GNA13: variants seen among roughly 807,000 people sequenced by gnomAD.
GNA13 encodes the protein G protein subunit alpha 13.
A neutral mutation model predicts 33.5 loss-of-function variants in GNA13; 4 were observed. The ratio of observed to expected loss-of-function variants is 0.12; its 90% CI spans 0.06 to 0.27. GNA13 has a LOEUF of 0.27. Among genes scored for constraint, GNA13 ranks in the 10% least tolerant of loss-of-function variants. GNA13 has a pLI of 1.00. For missense variants in GNA13, 319 were observed against 487.2 expected, an observed-to-expected ratio of 0.65 and a Z score of 3.25; for synonymous variants, 176 against 183.8, an observed-to-expected ratio of 0.96 and a Z score of 0.34.
At chr17:65,051,791 C>T (rs1419842540) in intron 2 of GNA13, 2 of 152,200 alleles carry the variant, frequency 1.3e-5, no homozygotes, top group Non-Finnish European at 2.9e-5. Context: ...TCATTTTCAA[C>T]ATGCAATACT....
intron 2 of GNA13, among the ~76,000 whole-genome samples, chr17:65,026,969 G>A (rs1906809245): frequency 6.6e-6 from 1 of 152,002 alleles, no homozygotes; most frequent in Non-Finnish European, 1.5e-5. Context: ...GTGGAGACAG[G>A]GTTTCTCTAT....
chr17:65,055,553 G>T (rs968836561), intron 1 of GNA13: 18 of 954,722 alleles, frequency 1.9e-5, no homozygotes, highest in Non-Finnish European at 2.1e-5. Flanking sequence ...GAAAAGGAGA[G>T]TGGAACGTGT....
intron 2 of GNA13, among the ~76,000 whole-genome samples, chr17:65,049,825 T>C (rs1466618942): frequency 6.6e-6 from 1 of 152,204 alleles, no homozygotes. Flanking sequence ...CATCTGCTTG[T>C]TTGTTTTAAC....
chr17:65,025,950 C>A (rs774919612), intron 2 of GNA13, among the ~76,000 whole-genome samples: 1 of 151,958 alleles, frequency 6.6e-6, no homozygotes, highest in Non-Finnish European at 1.5e-5. Flanking sequence ...TAAGCAGCAG[C>A]ACTCTCCATC....
intron 2 of GNA13, among the ~76,000 whole-genome samples, chr17:65,022,860 A>G (rs1248837723): frequency 6.6e-6 from 1 of 152,262 alleles, no homozygotes; most frequent in Non-Finnish European, 1.5e-5. Flanking sequence ...GTTTAAGACT[A>G]TTAGCCTTTC....
chr17:65,032,920 G>A (rs574733628), intron 2 of GNA13, among the ~76,000 whole-genome samples: 35 of 152,126 alleles, frequency 2.3e-4, no homozygotes, highest in African/African-American at 7.9e-4. Flanking sequence ...ACACTAGCCC[G>A]GCCAACTTGG....
intron 2 of GNA13, among the ~76,000 whole-genome samples, chr17:65,046,581 G>C (rs971001186): frequency 2.0e-5 from 3 of 152,152 alleles, no homozygotes; most frequent in Non-Finnish European, 4.4e-5. Flanking sequence ...ACCTGTTTTG[G>C]GCTAATAGGA....
intron 2 of GNA13, among the ~76,000 whole-genome samples, chr17:65,039,730 T>A (rs1907387748): frequency 6.6e-6 from 1 of 152,202 alleles, no homozygotes; most frequent in African/African-American, 2.4e-5. Flanking sequence ...TACATATTTG[T>A]TTGCATATTT....
At chr17:65,053,227 T>C in intron 2 of GNA13, 1 of 395,088 alleles carries the variant, frequency 2.5e-6, no homozygotes, top group Non-Finnish European at 4.5e-6. Context: ...TGAGATATGC[T>C]GGGAATGGGA....
rs1906281253 is a variant in GNA13, at chr17:65,014,076, G to A, written c.*181C>T. 8 of 569,088 alleles carry A rather than the reference G, an allele frequency of 1.4e-5. No individual in the cohort carries two copies. In the South Asian group the frequency reaches 1.9e-4, roughly 14 times the overall value. 35.3% of individuals were successfully genotyped at this position (569,088 alleles called of 1,614,324 possible). A position where few individuals can be genotyped will look rare whatever the true frequency, so the allele number is the denominator to read the frequency against. ...GCATTACAGCAAATCTTGGCGATGA[G>A]TCACTCAACAGCTTTCAGCCACAAA... is the stretch of plus-strand genomic sequence containing the variant. On this transcript the variant is annotated 3_prime_UTR_variant, in exon 4 of 4. Coordinates refer to ENST00000439174, the MANE Select transcript of GNA13 (RefSeq NM_006572.6). The surrounding 1 kb of genome is among the most constrained non-coding windows in gnomAD (Gnocchi z 5.3).
At chr17:65,020,018 A>C (rs1263749724) in intron 2 of GNA13, among the ~76,000 whole-genome samples, 2 of 152,258 alleles carry the variant, frequency 1.3e-5, no homozygotes, top group Non-Finnish European at 2.9e-5. Context: ...ACATGGAAAC[A>C]AATGATGATG....
chr17:65,023,014 T>C (rs1291786391), intron 2 of GNA13, among the ~76,000 whole-genome samples: 1 of 152,222 alleles, frequency 6.6e-6, no homozygotes, highest in East Asian at 1.9e-4. Flanking sequence ...ACTTAGGGAA[T>C]CAATGCCAAG....
In GNA13 at chr17:65,010,076, A is replaced by G. The variant is rs565190456; in HGVS notation, c.*4181T>C. On this transcript the variant is annotated 3_prime_UTR_variant, in exon 4 of 4. Coordinates refer to ENST00000439174, the MANE Select transcript of GNA13 (RefSeq NM_006572.6). ...CCTTATCAAGACATAAAATATTGCC[A>G]TATCATTCATGCTTTCAAAACAATG... Among the ~76,000 whole-genome samples, 1 of 152,350 alleles carries G rather than the reference A, an allele frequency of 6.6e-6. No homozygotes were observed. Among genetic ancestry groups the G allele is most frequent in the African/African-American group, 2.4e-5 (1 of 41,588 alleles).
At chr17:65,017,340 C>T (rs1466605781) in intron 3 of GNA13, among the ~76,000 whole-genome samples, 3 of 152,136 alleles carry the variant, frequency 2.0e-5, no homozygotes, top group Non-Finnish European at 2.9e-5. Flanking sequence ...TTCATGCAAT[C>T]GAGTGCTAAA....
chr17:65,056,211 C>G (rs1908049471), intron 1 of GNA13, 100 bp downstream of exon 1: 3 of 1,016,266 alleles, frequency 3.0e-6, no homozygotes, highest in African/African-American at 1.7e-5. Flanking sequence ...CCCGTTCCTT[C>G]GCCAGCGACA....
chr17:65,047,842 T>A lies in GNA13; in HGVS notation c.510+5660A>T, dbSNP rs910728477. 1.2e-4 allele frequency among the ~76,000 whole-genome samples: 18 copies of A among 152,260 alleles called. No individual in the cohort carries two copies. In the East Asian group the frequency reaches 3.1e-3, roughly 26 times the overall value. ...AGTGCAAATAAATAAATAAAAAAAA[T>A]TAGCTGAAACTGAAGTTTCTAGAAT... On this transcript the variant is annotated intron_variant, in intron 2 of 3. Coordinates refer to ENST00000439174, the MANE Select transcript of GNA13 (RefSeq NM_006572.6).
intron 2 of GNA13, among the ~76,000 whole-genome samples, chr17:65,048,656 AC>A: frequency 6.6e-6 from 1 of 152,210 alleles, no homozygotes. Flanking sequence ...AGAAAGAAAA[AC>A]ATTCATGTTT....
In GNA13 at chr17:65,014,419, T is replaced by A; in HGVS notation, c.972A>T (p.Lys324Asn). 6.2e-7 allele frequency: 1 copy of A among 1,614,170 alleles called. No homozygotes were observed. The highest frequency in any genetic ancestry group is 8.5e-7 in the Non-Finnish European group (1 of 1,180,014). ...TGTTCCGGAAACATTCCACCAGGAA[T>A]TTTTGGACGTCTCTTAAGCAGTGGG... The part of the protein sequence containing the change: ...GDPHCLRDVQ[K>N]FLVECFRNKR... The change falls in exon 4 of 4, where the codon AAA becomes AAT. Residue 324 changes from lysine to asparagine, a missense_variant. Lys to Asn is a moderately conservative substitution (Grantham distance 94). Around this residue, in one of 4 missense-constraint regions of GNA13, gnomAD observed 134 missense variants for 241.3 expected, o/e 0.56. Transcript: ENST00000439174. The surrounding 1 kb of genome is among the most constrained non-coding windows in gnomAD (Gnocchi z 5.3).
chr17:65,025,811 T>G (rs1484992332), intron 2 of GNA13, among the ~76,000 whole-genome samples: 2 of 36,292 alleles, frequency 5.5e-5, no homozygotes, highest in East Asian at 1.7e-3. Context: ...AGAGATCCCA[T>G]CTCTACAAAA....
Sources: allele counts gnomAD v4.1 joint callset (sites outside exome capture counted in the v4.1 genomes callset), GRCh38; gene constraint gnomAD v4.1.1; regional missense constraint gnomAD v4.1.1; non-coding constraint Gnocchi (gnomAD v3.1); transcripts MANE v1.5; gene names NCBI Gene and HGNC (gene_info 2026-07-23, HGNC 2026-07-21).